Variants in PIP4K2A observed in about 807,000 individuals in gnomAD.
PIP4K2A encodes phosphatidylinositol-5-phosphate 4-kinase type 2 alpha.
A neutral mutation model predicts 42.9 loss-of-function variants in PIP4K2A; 14 were observed. The observed-to-expected ratio is 0.33, with a 90% CI of 0.22 to 0.51. The LOEUF (loss-of-function observed/expected upper bound fraction) is 0.51, where lower values mean the gene tolerates loss of function less well. Ranked by LOEUF, PIP4K2A falls within the 20% of genes least tolerant of loss-of-function variation. The pLI is 0.97. For synonymous variants in PIP4K2A, 192 were observed against 192.2 expected, an observed-to-expected ratio of 1.00 and a Z score of 0.01; for missense variants, 434 against 519.8, an observed-to-expected ratio of 0.83 and a Z score of 1.61.
intron 1 of PIP4K2A, among the ~76,000 whole-genome samples, chr10:22,701,167 T>A (rs1361262830): frequency 6.6e-6 from 1 of 152,148 alleles, no homozygotes; most frequent in Non-Finnish European, 1.5e-5. Flanking sequence ...GTGTGTACAA[T>A]CCCAGTTGTG....
intron 4 of PIP4K2A, among the ~76,000 whole-genome samples, chr10:22,576,090 C>T (rs982310329): frequency 3.9e-5 from 6 of 152,044 alleles, no homozygotes; most frequent in Non-Finnish European, 7.4e-5. Flanking sequence ...CAAGTCATAC[C>T]AAAGTTTATC....
intron 9 of PIP4K2A, among the ~76,000 whole-genome samples, 159 bp downstream of exon 9, chr10:22,539,812 T>C (rs1836044157): frequency 6.6e-6 from 1 of 151,676 alleles, no homozygotes; most frequent in African/African-American, 2.4e-5. Context: ...TAAAGGGCTT[T>C]GAATGGCTCA....
At chr10:22,636,744 G>A (rs560037271) in intron 1 of PIP4K2A, among the ~76,000 whole-genome samples, 7 of 152,326 alleles carry the variant, frequency 4.6e-5, no homozygotes, top group African/African-American at 7.2e-5. Context: ...AACGGTCCCC[G>A]ATGAATCACA....
chr10:22,549,936 G>C (rs1004281969), intron 7 of PIP4K2A, among the ~76,000 whole-genome samples: 1 of 146,650 alleles, frequency 6.8e-6, no homozygotes, highest in Non-Finnish European at 1.5e-5. Flanking sequence ...CTTAAATAAT[G>C]AGCAAATCCA....
At chr10:22,644,268 T>A in intron 1 of PIP4K2A, among the ~76,000 whole-genome samples, 1 of 152,072 alleles carries the variant, frequency 6.6e-6, no homozygotes, top group East Asian at 1.9e-4. Context: ...AGCAAATCTG[T>A]GGGCTCTTTA....
intron 1 of PIP4K2A, among the ~76,000 whole-genome samples, chr10:22,636,709 G>GTAAA (rs1838672510): frequency 6.6e-6 from 1 of 152,226 alleles, no homozygotes. Context: ...AGCCCAGCGT[G>GTAAA]TAAATATGTG....
chr10:22,555,897 TA>T (rs11337795), intron 6 of PIP4K2A, among the ~76,000 whole-genome samples: 96,328 of 146,962 alleles, frequency 0.66, 31,453 homozygotes, highest in South Asian at 0.78. Flanking sequence ...CTGATGAGCT[TA>T]AAAAAAAAAA....
Position 22,670,355 on chromosome 10 carries a change from G to C in PIP4K2A, c.144+43828C>G, listed in dbSNP as rs917506611. Among the ~76,000 whole-genome samples the C allele has an allele frequency of 3.3e-5, 5 of 151,960 alleles. No homozygotes were observed. In the East Asian group the frequency reaches 9.6e-4, roughly 29 times the overall value. Reference sequence around the variant, plus strand: ...TATGGCACCACTGTACTCCAGCCTGGGCAAAAAACAAAACCAAAAACAAAA... The same window carrying C: ...TATGGCACCACTGTACTCCAGCCTGCGCAAAAAACAAAACCAAAAACAAAA... On this transcript the variant is annotated intron_variant, in intron 1 of 9. Coordinates refer to ENST00000376573, the MANE Select transcript of PIP4K2A (RefSeq NM_005028.5).
At chr10:22,547,806 G>A (rs73598560) in intron 7 of PIP4K2A, among the ~76,000 whole-genome samples, 1,880 of 152,306 alleles carry the variant, frequency 0.012, 34 homozygotes, top group African/African-American at 0.042. Context: ...CGATCTGTGT[G>A]TGTGTTTGTG....
At chr10:22,571,752 A>G (rs949930886) in intron 5 of PIP4K2A, among the ~76,000 whole-genome samples, 1 of 152,366 alleles carries the variant, frequency 6.6e-6, no homozygotes, top group African/African-American at 2.4e-5. Context: ...TTGTTAAAAC[A>G]TGCTTTAACA....
At chr10:22,547,163 G>C (rs1451233331) in intron 7 of PIP4K2A, among the ~76,000 whole-genome samples, 1 of 152,126 alleles carries the variant, frequency 6.6e-6, no homozygotes, top group Non-Finnish European at 1.5e-5. Context: ...AACACACCGT[G>C]TTCTACCACA....
intron 3 of PIP4K2A, among the ~76,000 whole-genome samples, chr10:22,593,348 A>G (rs76422289): frequency 2.0e-5 from 3 of 148,512 alleles, no homozygotes; most frequent in Non-Finnish European, 3.0e-5. Context: ...TGAGAGAAGG[A>G]AAAAAAAAAA....
intron 4 of PIP4K2A, among the ~76,000 whole-genome samples, chr10:22,581,742 CT>C (rs1218126890): frequency 6.6e-6 from 1 of 152,078 alleles, no homozygotes. Flanking sequence ...TTTTTGCTGG[CT>C]TTTTACATTT....
At chr10:22,570,037 A>G (rs1836947091) in intron 5 of PIP4K2A, among the ~76,000 whole-genome samples, 1 of 152,152 alleles carries the variant, frequency 6.6e-6, no homozygotes, top group Non-Finnish European at 1.5e-5. Context: ...TATGTTTACC[A>G]GATGCCTACT....
At chr10:22,689,011 T>C (rs1043213898) in intron 1 of PIP4K2A, among the ~76,000 whole-genome samples, 3 of 152,232 alleles carry the variant, frequency 2.0e-5, no homozygotes, top group Non-Finnish European at 4.4e-5. Flanking sequence ...AAGATTCATT[T>C]GTCTGTCACA....
chr10:22,687,368 A>C (rs960543482), intron 1 of PIP4K2A, among the ~76,000 whole-genome samples: 1 of 152,126 alleles, frequency 6.6e-6, no homozygotes, highest in African/African-American at 2.4e-5. Context: ...GCCGAGGTGG[A>C]GGGAGGCCCA....
chr10:22,554,807 C>T (rs1016587177), intron 6 of PIP4K2A, among the ~76,000 whole-genome samples: 2 of 152,208 alleles, frequency 1.3e-5, no homozygotes, highest in Admixed American at 1.3e-4. Flanking sequence ...TTCCCCACCC[C>T]GTCCTCCTCT....
chr10:22,602,271 T>C (rs560551667), intron 3 of PIP4K2A, among the ~76,000 whole-genome samples: 1 of 151,686 alleles, frequency 6.6e-6, no homozygotes, highest in African/African-American at 2.4e-5. Context: ...CACATACCTG[T>C]AGTCCCAGGT....
At chr10:22,704,393 G>A (rs142453240) in intron 1 of PIP4K2A, among the ~76,000 whole-genome samples, 2 of 152,064 alleles carry the variant, frequency 1.3e-5, no homozygotes, top group Admixed American at 1.3e-4. Flanking sequence ...GCTAGATTGG[G>A]GTAAGTTAAG....
Sources: gnomAD v4.1 joint callset for allele counts (sites outside exome capture counted in the v4.1 genomes callset) on GRCh38, gnomAD v4.1.1 for gene constraint, MANE v1.5 for transcripts, NCBI Gene and HGNC (gene_info 2026-07-23, HGNC 2026-07-21) for gene names.